NEK6: variants seen among roughly 807,000 people sequenced by gnomAD.
NEK6 encodes NIMA related kinase 6.
A neutral mutation model predicts 43.5 loss-of-function variants in NEK6; 27 were observed. The observed-to-expected ratio is 0.62, with a 90% CI of 0.46 to 0.86. The LOEUF (loss-of-function observed/expected upper bound fraction) is 0.86. NEK6 is among the 40% of genes least tolerant of loss of function. The pLI is 0.00. For synonymous variants in NEK6, 167 were observed against 164.1 expected, an observed-to-expected ratio of 1.02 and a Z score of -0.14; for missense variants, 318 against 414.4, an observed-to-expected ratio of 0.77 and a Z score of 2.02.
At chr9:124,337,009 AAAG>A (rs1437777282) in intron 7 of NEK6, among the ~76,000 whole-genome samples, 4 of 152,064 alleles carry the variant, frequency 2.6e-5, no homozygotes, top group Admixed American at 2.0e-4. Context: ...AAAAAAAAAA[AAAG>A]AATTCCGGGC....
intron 2 of NEK6, among the ~76,000 whole-genome samples, chr9:124,307,546 A>G (rs1833317553): frequency 6.6e-6 from 1 of 152,172 alleles, no homozygotes; most frequent in Non-Finnish European, 1.5e-5. Flanking sequence ...CCACGGTGAC[A>G]GGCAGCACAG....
chr9:124,327,299 C>A (rs73666862), intron 6 of NEK6, 39 bp from the exon 7 acceptor site: 1 of 1,569,748 alleles, frequency 6.4e-7, no homozygotes, highest in Non-Finnish European at 8.8e-7. Context: ...TACCCCAAGC[C>A]TCCTACCCCA....
intron 7 of NEK6, among the ~76,000 whole-genome samples, chr9:124,336,772 G>A (rs1168242499): frequency 1.3e-5 from 2 of 152,174 alleles, no homozygotes; most frequent in African/African-American, 4.8e-5. Flanking sequence ...ACTTTGGGAG[G>A]CCGAGGCAGA....
chr9:124,311,121 C>G (rs1239760735), intron 2 of NEK6, among the ~76,000 whole-genome samples: 2 of 152,148 alleles, frequency 1.3e-5, no homozygotes, highest in Non-Finnish European at 1.5e-5. Flanking sequence ...GCCAGCAGTT[C>G]CTGGTGTTTC....
At chr9:124,331,280 A>C (rs371486219) in intron 7 of NEK6, among the ~76,000 whole-genome samples, 2 of 150,246 alleles carry the variant, frequency 1.3e-5, no homozygotes, top group South Asian at 2.1e-4. Context: ...AAAACAAAAC[A>C]TTTTGCTCAT....
At chr9:124,268,726 C>G (rs1410839197) in intron 1 of NEK6, among the ~76,000 whole-genome samples, 2 of 152,220 alleles carry the variant, frequency 1.3e-5, no homozygotes, top group African/African-American at 4.8e-5. Context: ...CGTTGTGTCT[C>G]AGTTCAGCGT....
intron 7 of NEK6, among the ~76,000 whole-genome samples, chr9:124,333,773 CTTTTTTTTTTTTT>C (rs148074227): frequency 8.3e-6 from 1 of 120,018 alleles, no homozygotes; most frequent in African/African-American, 3.1e-5. Flanking sequence ...CATTTCAGTC[CTTTTTTTTTTTTT>C]TTTTTTTTTG....
At chr9:124,257,807 C>G (rs1314358099), upstream of NEK6, 2 of 1,381,786 alleles carry the variant, frequency 1.4e-6, no homozygotes, top group Non-Finnish European at 1.9e-6. Context: ...TCGGCGGAGT[C>G]GAGGGGTCCA....
intron 6 of NEK6, 61 bp from the exon 7 acceptor site, chr9:124,327,277 T>C: frequency 1.4e-6 from 2 of 1,390,380 alleles, no homozygotes; most frequent in Non-Finnish European, 2.0e-6. Context: ...CTTCCTCTCG[T>C]CCTGCCCCAC....
intron 7 of NEK6, among the ~76,000 whole-genome samples, chr9:124,328,158 A>G (rs1488409994): frequency 6.6e-6 from 1 of 152,150 alleles, no homozygotes; most frequent in African/African-American, 2.4e-5. Flanking sequence ...AGGTGAAGCA[A>G]TGGCAAGCTT....
chr9:124,301,361 G>T (rs534868223), intron 1 of NEK6, among the ~76,000 whole-genome samples: 1 of 152,200 alleles, frequency 6.6e-6, no homozygotes, highest in Non-Finnish European at 1.5e-5. Flanking sequence ...CTGTTCCTTT[G>T]CACAGAGGTC....
At chr9:124,268,224 C>T (rs1831299226) in intron 1 of NEK6, among the ~76,000 whole-genome samples, 1 of 152,210 alleles carries the variant, frequency 6.6e-6, no homozygotes, top group African/African-American at 2.4e-5. Flanking sequence ...GGGTCTTACA[C>T]AGTGTAATTT....
chr9:124,340,704 A>G (rs1044335892), intron 8 of NEK6, among the ~76,000 whole-genome samples: 4 of 152,204 alleles, frequency 2.6e-5, no homozygotes, highest in African/African-American at 9.6e-5. Context: ...CACTGAAAGA[A>G]CTTCAGTCTC....
intron 7 of NEK6, among the ~76,000 whole-genome samples, chr9:124,339,052 C>G (rs1406222314): frequency 9.4e-6 from 1 of 106,092 alleles, no homozygotes; most frequent in Non-Finnish European, 1.8e-5. Context: ...TTTTTGAGCC[C>G]GAATCTCACT....
chr9:124,304,774 G>A (rs1833171526), intron 2 of NEK6, among the ~76,000 whole-genome samples: 1 of 152,132 alleles, frequency 6.6e-6, no homozygotes, highest in African/African-American at 2.4e-5. Flanking sequence ...AGAGCCAGCA[G>A]CACATGAAAA....
intron 1 of NEK6, among the ~76,000 whole-genome samples, chr9:124,267,563 G>A (rs1406578601): frequency 2.0e-5 from 3 of 152,260 alleles, no homozygotes; most frequent in Admixed American, 2.0e-4. Context: ...ACAAGTGTGG[G>A]AGCCGCCTGC....
chr9:124,314,384 CCT>C (rs971927607), intron 4 of NEK6, among the ~76,000 whole-genome samples: 66 of 152,260 alleles, frequency 4.3e-4, no homozygotes, highest in African/African-American at 1.4e-3. Flanking sequence ...TCTGGCTCTG[CCT>C]CTGTCTCTAT....
At chr9:124,260,784 G>A (rs1165745128) in intron 1 of NEK6, among the ~76,000 whole-genome samples, 2 of 152,248 alleles carry the variant, frequency 1.3e-5, no homozygotes, top group African/African-American at 4.8e-5. Flanking sequence ...TAAGATGGAA[G>A]CTGTCACGAT....
At chr9:124,258,319 G>T (rs557354024) in intron 1 of NEK6, 670 of 985,194 alleles carry the variant, frequency 6.8e-4, no homozygotes, top group Non-Finnish European at 5.8e-4. Flanking sequence ...CGTCCCCGGC[G>T]GGTGTGCGTG....
Sources: gnomAD v4.1 joint callset for allele counts (sites outside exome capture counted in the v4.1 genomes callset) on GRCh38, gnomAD v4.1.1 for gene constraint, MANE v1.5 for transcripts, NCBI Gene and HGNC (gene_info 2026-07-23, HGNC 2026-07-21) for gene names.